Variants in DNAH17 observed in about 807,000 individuals in gnomAD.
The protein encoded by DNAH17 is dynein axonemal heavy chain 17.
Under a neutral mutation model 485.6 loss-of-function variants are expected in DNAH17, and 376 were observed. The ratio of observed to expected loss-of-function variants is 0.77; its 90% CI spans 0.71 to 0.84. The LOEUF (loss-of-function observed/expected upper bound fraction) is 0.84. Ranked by LOEUF, DNAH17 falls within the 40% of genes least tolerant of loss-of-function variation. The pLI, the probability that DNAH17 is intolerant of heterozygous loss-of-function variation, is 0.00. For missense variants in DNAH17, 6,370 were observed against 5,839.3 expected (o/e 1.09, Z -2.96); for synonymous variants, 3,031 against 2,405.9 (o/e 1.26, Z -7.60).
At chr17:78,477,145 G>A (rs760898748) in intron 51 of DNAH17, among the ~76,000 whole-genome samples, 5 of 152,200 alleles carry the variant, frequency 3.3e-5, no homozygotes, top group Admixed American at 6.5e-5. Context: ...AGGCAAGCTC[G>A]ACAAGAGCTT....
intron 47 of DNAH17, 200 bp from the exon 48 acceptor site, chr17:78,485,233 G>A: frequency 1.4e-6 from 1 of 699,648 alleles, no homozygotes; most frequent in Non-Finnish European, 2.3e-6. Flanking sequence ...GCGATCAGAG[G>A]CGAGGGTGGC....
chr17:78,521,845 A>AGTGTGGTGGCGTGCGCCT (rs1325365980), intron 25 of DNAH17, among the ~76,000 whole-genome samples: 17 of 152,028 alleles, frequency 1.1e-4, no homozygotes, highest in Admixed American at 2.0e-4. Flanking sequence ...AAATTAGCCA[A>AGTGTGGTGGCGTGCGCCT]GTGTGGTGGC....
intron 30 of DNAH17, 39 bp from the exon 31 acceptor site, chr17:78,505,484 A>G (rs751623299): frequency 9.9e-6 from 16 of 1,613,014 alleles, no homozygotes; most frequent in African/African-American, 4.0e-5. Flanking sequence ...GCAACGGGGG[A>G]TTTGAAAGGC....
intron 3 of DNAH17, 56 bp downstream of exon 3, chr17:78,572,645 C>G (rs1398701787): frequency 7.5e-6 from 11 of 1,471,040 alleles, no homozygotes; most frequent in Non-Finnish European, 1.0e-5. Context: ...GGGTGGGGGT[C>G]AAGCATGTGC....
chr17:78,510,638 C>A lies in DNAH17; in HGVS notation c.4114-132G>T. 8 of 1,218,994 alleles carry A rather than the reference C, an allele frequency of 6.6e-6. No homozygotes were observed. The South Asian group carries it at 9.6e-5, about 15-fold the overall frequency. 75.5% of individuals were successfully genotyped at this position (1,218,994 alleles called of 1,614,324 possible). A position where few individuals can be genotyped will look rare whatever the true frequency, so the allele number is the denominator to read the frequency against. On this transcript the variant is annotated intron_variant, in intron 26 of 80. Transcript: ENST00000389840. ...GCTGCTGGAGGGAGGGAGGCGAGCT[C>A]TGCTCTGCCATTTTCAGCTCTGAGA...
At position 78,431,624 on chromosome 17, in the gene DNAH17, A is replaced by G. The variant is rs1054910373; in HGVS notation, c.12226-2324T>C. On this transcript the variant is annotated intron_variant, in intron 75 of 80. Transcript: ENST00000389840. The stretch of plus-strand genomic sequence containing the variant: ...ACGGCTAAACAGGCCGTGGACACAG[A>G]TGACATCATTCCCGGTGGTCACTCA... Among the ~76,000 whole-genome samples the G allele has an allele frequency of 2.5e-4, 38 of 152,108 alleles. 1 individual carries two copies. The highest frequency in any genetic ancestry group is 7.9e-4 in the Admixed American group (12 of 15,270).
chr17:78,560,628 G>T, intron 13 of DNAH17, 112 bp downstream of exon 13: 2 of 1,194,562 alleles, frequency 1.7e-6, no homozygotes, highest in Admixed American at 2.8e-5. Flanking sequence ...AAAGCTTTAG[G>T]CGAACTGTGA....
At position 78,461,680 on chromosome 17, in the gene DNAH17, A is replaced by G; in HGVS notation, c.9203T>C (p.Ile3068Thr). The G allele has an allele frequency of 6.2e-7, 1 of 1,610,734 alleles. No individual in the cohort carries two copies. Among genetic ancestry groups the G allele is most frequent in the Non-Finnish European group, 8.5e-7 (1 of 1,178,982 alleles). ...CTTCTGCTTGAGCTCAGCCTCCTGA[A>G]TCGCCAACTTGGCTTTCAAATCATC... ...QVDDLKAKLA[I>T]QEAELKQKNE... Residue 3068 changes from isoleucine to threonine, a missense_variant, in exon 58 of 81, where the codon ATT (isoleucine) becomes ACT (threonine). By Grantham distance (89) the Ile-to-Thr change is moderately conservative (BLOSUM62 -1). Coordinates refer to ENST00000389840, the MANE Select transcript of DNAH17 (RefSeq NM_173628.4).
chr17:78,494,268 TGATAAAGGCGCCCTTGCCCTCC>T (rs1345352539), intron 40 of DNAH17, 95 bp from the exon 41 acceptor site: 26 of 1,503,660 alleles, frequency 1.7e-5, no homozygotes, highest in Admixed American at 1.7e-4. Flanking sequence ...GTGGGGGAGA[TGATAAAGGCGCCCTTGCCCTCC>T]GATGCACGTG....
chr17:78,547,432 T>G (rs998733250), intron 16 of DNAH17, among the ~76,000 whole-genome samples: 1 of 152,138 alleles, frequency 6.6e-6, no homozygotes, highest in Non-Finnish European at 1.5e-5. Flanking sequence ...GCTACCTGCT[T>G]GGTAGAAACA....
chr17:78,572,698 C>T lies in DNAH17; in HGVS notation c.539+3G>A, dbSNP rs771829286. On this transcript the variant is annotated splice_donor_region_variant and intron_variant, in intron 3 of 80. Transcript: ENST00000389840. ...GCAGCCGGAAGCAGCTGGGCCCACA[C>T]ACCTCTCCATGGACTCCAGCGTGCC... is the stretch of plus-strand genomic sequence containing the variant. 5 of 1,599,458 alleles carry T rather than the reference C, an allele frequency of 3.1e-6. No individual in the cohort carries two copies. In the East Asian group the frequency reaches 9.0e-5, roughly 29 times the overall value.
intron 55 of DNAH17, among the ~76,000 whole-genome samples, chr17:78,468,392 A>T (rs1410043091): frequency 6.6e-6 from 1 of 152,164 alleles, no homozygotes; most frequent in African/African-American, 2.4e-5. Context: ...CCAAAGGACG[A>T]CTGTAAAACA....
At chr17:78,513,373 CT>C (rs1403029348) in intron 26 of DNAH17, among the ~76,000 whole-genome samples, 11 of 152,186 alleles carry the variant, frequency 7.2e-5, no homozygotes, top group Non-Finnish European at 1.5e-5. Flanking sequence ...TGAAATAGTC[CT>C]GCAAAGCTGT....
In DNAH17 at chr17:78,558,147, A is replaced by G. The variant is rs539610956; in HGVS notation, c.2139T>C (p.Phe713=). Residue 713 remains phenylalanine (F), a synonymous_variant, in exon 14 of 81, where the codon TTT becomes TTC. Transcript: ENST00000389840. The part of the protein sequence containing the change: ...LFSENETFRK[F]VGNLELIVGW... ...CAACGATGAGCTCCAGGTTGCCCACAAACTTCCGGAAAGTTTCGTTCTCTG... is the reference window on the plus strand; with the variant it reads ...CAACGATGAGCTCCAGGTTGCCCACGAACTTCCGGAAAGTTTCGTTCTCTG... 5 of 1,613,796 alleles carry G rather than the reference A, an allele frequency of 3.1e-6. No individual in the cohort carries two copies. The highest frequency in any genetic ancestry group is 4.2e-6 in the Non-Finnish European group (5 of 1,179,814).
intron 75 of DNAH17, 105 bp from the exon 76 acceptor site, chr17:78,429,405 G>T (rs1185967306): frequency 2.4e-6 from 3 of 1,271,872 alleles, no homozygotes; most frequent in African/African-American, 1.5e-5. Context: ...AGCCATTGGT[G>T]CTGTGTCCTT....
chr17:78,502,660 C>G lies in DNAH17; in HGVS notation c.5121G>C (p.Glu1707Asp). ...LTCTQIWWTTEVGLAFARLEE... is the reference protein window; with the variant it reads ...LTCTQIWWTTDVGLAFARLEE... ...CCAGCCTGGCAAATGCCAGGCCCAC[C>G]TCGGTCGTCCACCAGATCTGGGTGC... Residue 1707 changes from glutamate (E) to aspartate (D), a missense_variant, in exon 33 of 81, where the codon GAG (glutamate) becomes GAC (aspartate). Transcript: ENST00000389840. 1 of 1,612,996 alleles carries G rather than the reference C, an allele frequency of 6.2e-7. No individual in the cohort carries two copies. The highest frequency in any genetic ancestry group is 1.7e-5 in the Admixed American group (1 of 59,996).
At position 78,427,120 on chromosome 17, in the gene DNAH17, T is replaced by A; in HGVS notation, c.12589-12A>T. The A allele has an allele frequency of 6.4e-7, 1 of 1,561,876 alleles. No individual in the cohort carries two copies. Among genetic ancestry groups the A allele is most frequent in the Non-Finnish European group, 8.7e-7 (1 of 1,153,256 alleles). ...AGCACGGCCTTCACCTGGAAGCCAG[T>A]CCCCGGACAGCCCCTGTCACTGCAA... On this transcript the variant is annotated splice_polypyrimidine_tract_variant and intron_variant, in intron 77 of 80. Coordinates refer to ENST00000389840, the MANE Select transcript of DNAH17 (RefSeq NM_173628.4).
intron 78 of DNAH17, 52 bp from the exon 79 acceptor site, chr17:78,426,652 G>C (rs1217143675): frequency 3.2e-5 from 50 of 1,546,876 alleles, no homozygotes; most frequent in Non-Finnish European, 4.4e-5. Context: ...GCCTGGGAGA[G>C]CACCAGCCCC....
At chr17:78,481,706 GGCT>G (rs1286042436) in intron 48 of DNAH17, among the ~76,000 whole-genome samples, 3 of 152,240 alleles carry the variant, frequency 2.0e-5, no homozygotes, top group South Asian at 2.1e-4. Context: ...AATTATTAAT[GGCT>G]GCTATTATTA....
Sources: gnomAD v4.1 joint callset for allele counts (sites outside exome capture counted in the v4.1 genomes callset) on GRCh38, gnomAD v4.1.1 for gene constraint, MANE v1.5 for transcripts, NCBI Gene and HGNC (gene_info 2026-07-23, HGNC 2026-07-21) for gene names.